The following ZNF264 variants were observed in gnomAD, a reference collection of about 807,000 sequenced individuals.
ZNF264 encodes zinc finger protein 264.
ZNF264 carries 11 observed loss-of-function variants against 11.2 expected under a neutral mutation model. That is an observed-to-expected ratio of 0.98 (90% CI 0.62 to 1.63). The LOEUF (loss-of-function observed/expected upper bound fraction) is 1.63, where lower values mean the gene tolerates loss of function less well. Ranked by LOEUF, ZNF264 falls within the 40% of genes most tolerant of loss-of-function variation. ZNF264 has a pLI of 0.00. For missense variants in ZNF264, 752 were observed against 768.1 expected (o/e 0.98, Z 0.25); for synonymous variants, 309 against 279.8 (o/e 1.10, Z -1.04).
intron 2 of ZNF264, among the ~76,000 whole-genome samples, chr19:57,197,353 G>A (rs2122737780): frequency 6.6e-6 from 1 of 152,016 alleles, no homozygotes; most frequent in African/African-American, 2.4e-5. Context: ...ATGGTGATTT[G>A]ATGACCCATA....
rs1599948499 is a variant in ZNF264, at chr19:57,201,496, T to C, written c.161-3901T>C. On this transcript the variant is annotated intron_variant, in intron 2 of 3. Coordinates refer to ENST00000263095, the MANE Select transcript of ZNF264 (RefSeq NM_003417.5). ...TGGTGTTGGCTTGGTTGATTGGACTTGTATCCCAACACAATCCATCAGAGG... is the reference window on the plus strand; with the variant it reads ...TGGTGTTGGCTTGGTTGATTGGACTCGTATCCCAACACAATCCATCAGAGG... Among the ~76,000 whole-genome samples, 3 of 152,108 alleles carry C rather than the reference T, an allele frequency of 2.0e-5. No individual in the cohort carries two copies. In the South Asian group the frequency reaches 6.2e-4, roughly 32 times the overall value.
At chr19:57,205,045 C>G (rs74587825) in intron 2 of ZNF264, among the ~76,000 whole-genome samples, 3,854 of 152,050 alleles carry the variant, frequency 0.025, 158 homozygotes, top group African/African-American at 0.09. Flanking sequence ...CTCATTTTTT[C>G]TTTAGTCTAG....
At position 57,203,327 on chromosome 19, in the gene ZNF264, A is replaced by G. The variant is rs181800921; in HGVS notation, c.161-2070A>G. On this transcript the variant is annotated intron_variant, in intron 2 of 3. Coordinates refer to ENST00000263095, the MANE Select transcript of ZNF264 (RefSeq NM_003417.5). ...TGGTTTGGGGTTAGGTGGATTGCAC[A>G]TGAAAGGCATGTGCTTGTTCCCAGG... 2.5e-4 allele frequency among the ~76,000 whole-genome samples: 38 copies of G among 152,228 alleles called. No homozygotes were observed. In the East Asian group the frequency reaches 6.6e-3, roughly 26 times the overall value.
At chr19:57,207,152 T>C (rs6510047) in intron 3 of ZNF264, among the ~76,000 whole-genome samples, 95,979 of 149,100 alleles carry the variant, frequency 0.64, 31,635 homozygotes, top group African/African-American at 0.75. Flanking sequence ...CCCAAGTTTC[T>C]GTGAATGGTT....
Position 57,217,390 on chromosome 19 carries a change from A to G in ZNF264, c.*4409A>G, listed in dbSNP as rs1368948138. On this transcript the variant is annotated 3_prime_UTR_variant, in exon 4 of 4. Coordinates refer to ENST00000263095, the MANE Select transcript of ZNF264 (RefSeq NM_003417.5). ...AAGTAATAGTAATTCCTCTTCAAAAATTGAGCGCTATGTTGCAAGATGTAA... is the reference window on the plus strand; with the variant it reads ...AAGTAATAGTAATTCCTCTTCAAAAGTTGAGCGCTATGTTGCAAGATGTAA... The G allele has an allele frequency of 6.6e-6, 1 of 152,132 alleles. No homozygotes were observed. The highest frequency in any genetic ancestry group is 1.5e-5 in the Non-Finnish European group (1 of 68,014). The allele number at this position is 152,132 out of a possible 1,614,324, so 9.4% of individuals were successfully genotyped here.
Position 57,221,680 on chromosome 19 carries a change from G to A in ZNF264, c.*8699G>A, listed in dbSNP as rs1437817022. 1 of 152,172 alleles carries A rather than the reference G, an allele frequency of 6.6e-6. No homozygotes were observed. Among genetic ancestry groups the A allele is most frequent in the Non-Finnish European group, 1.5e-5 (1 of 68,036 alleles). The allele number at this position is 152,172 out of a possible 1,614,324, so 9.4% of individuals were successfully genotyped here. A position where few individuals can be genotyped will look rare whatever the true frequency, so the allele number is the denominator to read the frequency against. On this transcript the variant is annotated 3_prime_UTR_variant, in exon 4 of 4. Transcript: ENST00000263095. ...GAAGCTTATTAGAGACTCAGTGCCA[G>A]GGTTTTTATTGGGCATGTTTTCTAG...
chr19:57,219,814 AC>A lies in ZNF264; in HGVS notation c.*6834del, dbSNP rs1280445446. 1.3e-5 allele frequency: 2 copies of A among 152,194 alleles called. No individual in the cohort carries two copies. Among genetic ancestry groups the A allele is most frequent in the Non-Finnish European group, 2.9e-5 (2 of 68,038 alleles). The allele number at this position is 152,194 out of a possible 1,614,324, so 9.4% of individuals were successfully genotyped here. On this transcript the variant is annotated 3_prime_UTR_variant, in exon 4 of 4. Transcript: ENST00000263095. ...TATGTCTCCAGACTGGATGTTTCTC[AC>A]GTCTGTGGCCCACTGGGCATCTTCT...
chr19:57,196,423 G>T (rs192210825), intron 2 of ZNF264, among the ~76,000 whole-genome samples: 1 of 151,920 alleles, frequency 6.6e-6, no homozygotes, highest in Non-Finnish European at 1.5e-5. Context: ...TCAACCTGCC[G>T]CCAGGTAGCT....
intron 3 of ZNF264, among the ~76,000 whole-genome samples, chr19:57,208,349 G>T (rs1016864722): frequency 6.6e-6 from 1 of 151,924 alleles, no homozygotes; most frequent in Non-Finnish European, 1.5e-5. Context: ...GTTTGAGACC[G>T]GCCTGGGAAA....
In ZNF264 at chr19:57,212,946, T is replaced by A. The variant is rs1456310329; in HGVS notation, c.1849T>A (p.Tyr617Asn). 6.2e-7 allele frequency: 1 copy of A among 1,612,442 alleles called. No homozygotes were observed. The highest frequency in any genetic ancestry group is 1.7e-5 in the Admixed American group (1 of 59,926). ...ETSSSASDQP[Y>N]QRETPQVSSL is the part of the protein sequence containing the mutation. ...ATCTTCCTCTGCATCTGATCAACCA[T>A]ACCAAAGAGAAACCCCACAAGTGTC... is the stretch of plus-strand genomic sequence containing the variant. The change falls in exon 4 of 4, where the codon TAC becomes AAC. Residue 617 changes from tyrosine (Y) to asparagine (N), a missense_variant. By Grantham distance (143) the Tyr-to-Asn change is moderately radical. Coordinates refer to ENST00000263095, the MANE Select transcript of ZNF264 (RefSeq NM_003417.5).
chr19:57,202,272 G>A (rs1325098682), intron 2 of ZNF264, among the ~76,000 whole-genome samples: 2 of 151,984 alleles, frequency 1.3e-5, no homozygotes, highest in East Asian at 1.9e-4. Context: ...TGATGACACA[G>A]AGAGGTTAAT....
chr19:57,205,298 T>C, intron 2 of ZNF264, 99 bp from the exon 3 acceptor site: 1 of 1,165,250 alleles, frequency 8.6e-7, no homozygotes, highest in Non-Finnish European at 1.2e-6. Context: ...GCAGCTTCAC[T>C]CCAAGGTCTG....
At chr19:57,208,348 C>A (rs147915233) in intron 3 of ZNF264, among the ~76,000 whole-genome samples, 2 of 151,542 alleles carry the variant, frequency 1.3e-5, no homozygotes, top group Non-Finnish European at 2.9e-5. Context: ...AGTTTGAGAC[C>A]GGCCTGGGAA....
Position 57,212,014 on chromosome 19 carries a change from A to G in ZNF264, c.917A>G (p.Asn306Ser), listed in dbSNP as rs1376349288. ...CACCGCTCCAATTTTGTCTTGCATA[A>G]CAGGAGACACACTGGAGAAAAATCC... ...FTHRSNFVLH[N>S]RRHTGEKSFV... Residue 306 changes from asparagine (N) to serine (S), a missense_variant, in exon 4 of 4, where the codon AAC (asparagine) becomes AGC (serine). Asn to Ser is a conservative substitution (Grantham distance 46, BLOSUM62 1). Coordinates refer to ENST00000263095, the MANE Select transcript of ZNF264 (RefSeq NM_003417.5). 1.9e-6 allele frequency: 3 copies of G among 1,613,868 alleles called. No homozygotes were observed. Among genetic ancestry groups the G allele is most frequent in the Admixed American group, 1.7e-5 (1 of 59,980 alleles).
Position 57,219,026 on chromosome 19 carries a change from A to T in ZNF264, c.*6045A>T, listed in dbSNP as rs2087399314. 2.0e-5 allele frequency: 3 copies of T among 152,034 alleles called. No homozygotes were observed. Among genetic ancestry groups the T allele is most frequent in the Admixed American group, 2.0e-4 (3 of 15,262 alleles). 9.4% of individuals were successfully genotyped at this position (152,034 alleles called of 1,614,324 possible). Reference sequence around the variant, plus strand: ...AATATTTCTATGAACAGATCTTACAACTGAGAGTGATCTGCAGATTTTTCA... The same window carrying T: ...AATATTTCTATGAACAGATCTTACATCTGAGAGTGATCTGCAGATTTTTCA... On this transcript the variant is annotated 3_prime_UTR_variant, in exon 4 of 4. Coordinates refer to ENST00000263095, the MANE Select transcript of ZNF264 (RefSeq NM_003417.5).
At chr19:57,208,707 A>C (rs1329157853) in intron 3 of ZNF264, among the ~76,000 whole-genome samples, 3 of 152,068 alleles carry the variant, frequency 2.0e-5, no homozygotes, top group Non-Finnish European at 4.4e-5. Flanking sequence ...TCATTCTTGG[A>C]GTGAAATTAT....
chr19:57,212,457 C>T lies in ZNF264; in HGVS notation c.1360C>T (p.Pro454Ser), dbSNP rs114004086. 5.0e-6 allele frequency: 8 copies of T among 1,614,116 alleles called. No homozygotes were observed. Among genetic ancestry groups the T allele is most frequent in the Non-Finnish European group, 6.8e-6 (8 of 1,180,034 alleles). ...LHKRAHTGEK[P>S]FECKECGKAF... ...TAAAAGGGCCCACACTGGAGAAAAG[C>T]CTTTCGAGTGCAAAGAGTGTGGGAA... The change falls in exon 4 of 4, where the codon CCT becomes TCT. Residue 454 changes from proline (P) to serine (S), a missense_variant. Transcript: ENST00000263095.
At chr19:57,194,616 G>C (rs2087198906) in intron 2 of ZNF264, among the ~76,000 whole-genome samples, 1 of 152,156 alleles carries the variant, frequency 6.6e-6, no homozygotes, top group African/African-American at 2.4e-5. Context: ...AAAGATGTAG[G>C]CTGGTAGTCT....
chr19:57,205,827 T>A (rs1192445842), intron 3 of ZNF264, among the ~76,000 whole-genome samples: 3 of 152,142 alleles, frequency 2.0e-5, no homozygotes, highest in Non-Finnish European at 4.4e-5. Flanking sequence ...GGATCTCCTG[T>A]CTTTGTATAT....
Sources: gnomAD v4.1 joint callset for allele counts (sites outside exome capture counted in the v4.1 genomes callset) on GRCh38, gnomAD v4.1.1 for gene constraint, MANE v1.5 for transcripts, NCBI Gene and HGNC (gene_info 2026-07-23, HGNC 2026-07-21) for gene names.